Variants in CPSF6 observed in about 807,000 individuals in gnomAD.
The protein encoded by CPSF6 is cleavage and polyadenylation specificity factor subunit 6.
CPSF6 carries 10 observed loss-of-function variants against 56.7 expected under a neutral mutation model. The ratio of observed to expected loss-of-function variants is 0.18; its 90% CI spans 0.11 to 0.30. CPSF6 has a LOEUF of 0.30. Among genes scored for constraint, CPSF6 ranks in the 10% least tolerant of loss-of-function variants. The probability of loss-of-function intolerance (pLI) is 1.00; values close to 1 mark genes in which losing one functional copy is unlikely to be tolerated. For missense variants in CPSF6, 419 were observed against 722.9 expected (o/e 0.58, Z 4.82); for synonymous variants, 248 against 244.8 (o/e 1.01, Z -0.12).
intron 8 of CPSF6, 50 bp downstream of exon 8, chr12:69,260,247 A>G (rs1182815114): frequency 1.5e-6 from 2 of 1,362,788 alleles, no homozygotes; most frequent in Non-Finnish European, 2.0e-6. Context: ...TAGTTTACAA[A>G]TGGAAAAAAT....
At chr12:69,240,560 T>C (rs1321244622) in intron 1 of CPSF6, among the ~76,000 whole-genome samples, 1 of 152,140 alleles carries the variant, frequency 6.6e-6, no homozygotes, top group Non-Finnish European at 1.5e-5. Flanking sequence ...CAAAAAGATG[T>C]TAGCTCACCC....
intron 2 of CPSF6, 44 bp downstream of exon 2, chr12:69,251,382 T>G (rs200812392): frequency 6.4e-6 from 8 of 1,244,466 alleles, no homozygotes; most frequent in Non-Finnish European, 9.2e-6. Context: ...GTAATTGATT[T>G]TGAACTGCTC....
At chr12:69,251,099 A>G (rs914859699) in intron 1 of CPSF6, 30 bp from the exon 2 acceptor site, 55 of 1,581,392 alleles carry the variant, frequency 3.5e-5, no homozygotes, top group Non-Finnish European at 4.6e-5. Context: ...TGACTTTTGT[A>G]TAATCTAGAG....
At chr12:69,259,602 TG>T (rs1872660362) in intron 7 of CPSF6, 59 bp downstream of exon 7, 11 of 1,408,702 alleles carry the variant, frequency 7.8e-6, no homozygotes, top group Non-Finnish European at 9.7e-6. Context: ...GACCTAAAAA[TG>T]TAAGTACAAT....
chr12:69,246,637 G>T (rs561419574), intron 1 of CPSF6, among the ~76,000 whole-genome samples: 2 of 152,214 alleles, frequency 1.3e-5, no homozygotes, highest in South Asian at 4.1e-4. Context: ...TATGCATTAG[G>T]TTATCTGCTA....
At chr12:69,265,493 C>T (rs899730827) in intron 9 of CPSF6, among the ~76,000 whole-genome samples, 3 of 151,808 alleles carry the variant, frequency 2.0e-5, no homozygotes, top group Non-Finnish European at 4.4e-5. Flanking sequence ...CAGGCTTTTC[C>T]TCTCTCTATT....
Position 69,272,459 on chromosome 12 carries a change from T to A in CPSF6, c.*2951T>A, listed in dbSNP as rs1396541820. 2 of 151,734 alleles carry A rather than the reference T, an allele frequency of 1.3e-5. No individual in the cohort carries two copies. Among genetic ancestry groups the A allele is most frequent in the Non-Finnish European group, 3.0e-5 (2 of 67,660 alleles). The allele number at this position is 151,734 out of a possible 1,614,324, so 9.4% of individuals were successfully genotyped here. ...AAAGGGCAAAGACTTTCTCTTTCCC[T>A]TATGTATTTAACTGTGCCAATCTAA... On this transcript the variant is annotated 3_prime_UTR_variant, in exon 10 of 10. Transcript: ENST00000435070.
intron 1 of CPSF6, among the ~76,000 whole-genome samples, chr12:69,250,614 AAAG>A (rs1322846963): frequency 6.9e-6 from 1 of 143,890 alleles, no homozygotes; most frequent in African/African-American, 2.6e-5. Context: ...AAAAGAAAAA[AAAG>A]AAAAGAAATA....
Position 69,258,070 on chromosome 12 carries a change from C to T in CPSF6, c.694+165C>T, listed in dbSNP as rs1377519718. The T allele has an allele frequency of 6.5e-7, 1 of 1,537,406 alleles. No individual in the cohort carries two copies. The highest frequency in any genetic ancestry group is 8.7e-7 in the Non-Finnish European group (1 of 1,146,712). On this transcript the variant is annotated intron_variant, in intron 5 of 9. Transcript: ENST00000435070. The surrounding 1 kb of genome is among the most constrained non-coding windows in gnomAD (Gnocchi z 4.2). ...CAAGCATCTTGTTAAAGGAACTCGG[C>T]CTTTGTTCCTGGAAACTAGGATTCC...
At position 69,239,595 on chromosome 12, in the gene CPSF6, G is replaced by T; in HGVS notation, c.-52G>T. ...CTAGATCCGCTGCTGCTGCCGCGGC[G>T]GGCAGACCTGCAGGAGGCGGCGGCG... On this transcript the variant is annotated 5_prime_UTR_variant, in exon 1 of 10. Coordinates refer to ENST00000435070, the MANE Select transcript of CPSF6 (RefSeq NM_007007.3). The T allele has an allele frequency of 1.3e-6, 2 of 1,523,940 alleles. No individual in the cohort carries two copies. Among genetic ancestry groups the T allele is most frequent in the South Asian group, 2.5e-5 (2 of 81,038 alleles). 94.4% of individuals were successfully genotyped at this position (1,523,940 alleles called of 1,614,324 possible).
At position 69,273,145 on chromosome 12, in the gene CPSF6, A is replaced by T. The variant is rs1873330450; in HGVS notation, c.*3637A>T. 1 of 495,494 alleles carries T rather than the reference A, an allele frequency of 2.0e-6. No homozygotes were observed. The highest frequency in any genetic ancestry group is 2.0e-5 in the African/African-American group (1 of 49,884). 30.7% of individuals were successfully genotyped at this position (495,494 alleles called of 1,614,324 possible). A position where few individuals can be genotyped will look rare whatever the true frequency, so the allele number is the denominator to read the frequency against. On this transcript the variant is annotated 3_prime_UTR_variant, in exon 10 of 10. Transcript: ENST00000435070. The stretch of plus-strand genomic sequence containing the variant: ...AAATAGAAAATGTATTAAAATGTCT[A>T]GGCTTCTGGGAGGAAGTTCTTATAC...
Position 69,258,115 on chromosome 12 carries a change from A to C in CPSF6, c.694+210A>C. ...GATTCCATGGCATATGGGGCACAGC[A>C]TAGAGGAAATACCCATTTTTGGCCT... On this transcript the variant is annotated intron_variant, in intron 5 of 9. Transcript: ENST00000435070. This position sits in a 1 kb window ranked among gnomAD's most constrained non-coding sequence, Gnocchi z 4.2. 1 of 1,535,740 alleles carries C rather than the reference A, an allele frequency of 6.5e-7. No homozygotes were observed.
At chr12:69,266,275 A>T (rs910747704) in intron 9 of CPSF6, among the ~76,000 whole-genome samples, 1 of 151,916 alleles carries the variant, frequency 6.6e-6, no homozygotes, top group Non-Finnish European at 1.5e-5. Context: ...CTTCATCTGG[A>T]TATGTATGCT....
chr12:69,268,581 CCTTCTGCCCT>C (rs2120648380), intron 9 of CPSF6, among the ~76,000 whole-genome samples: 1 of 151,688 alleles, frequency 6.6e-6, no homozygotes, highest in East Asian at 1.9e-4. Flanking sequence ...TTTTAAAAAA[CCTTCTGCCCT>C]CTTGACTCTT....
intron 6 of CPSF6, 68 bp downstream of exon 6, chr12:69,259,162 A>AT: frequency 6.8e-7 from 1 of 1,470,054 alleles, no homozygotes. Flanking sequence ...TAAATATTAG[A>AT]TTGTAGGTAT....
Position 69,259,970 on chromosome 12 carries a change from C to G in CPSF6, c.1316-74C>G. ...TACTTTTGTAAAATGCCTTATCACT[C>G]TTATCCCAAGTGGTTTGATGGTGTT... is the stretch of plus-strand genomic sequence containing the variant. On this transcript the variant is annotated intron_variant, in intron 7 of 9. Transcript: ENST00000435070. The G allele has an allele frequency of 5.3e-6, 8 of 1,511,188 alleles. No homozygotes were observed. In the South Asian group the frequency reaches 7.1e-5, roughly 13 times the overall value. The allele number at this position is 1,511,188 out of a possible 1,614,324, so 93.6% of individuals were successfully genotyped here.
intron 1 of CPSF6, among the ~76,000 whole-genome samples, chr12:69,249,718 G>A (rs1467734828): frequency 6.6e-6 from 1 of 152,140 alleles, no homozygotes; most frequent in African/African-American, 2.4e-5. Context: ...TCTATTTAAT[G>A]GTTATCAAAG....
intron 1 of CPSF6, among the ~76,000 whole-genome samples, chr12:69,241,650 A>C (rs190155095): frequency 6.6e-6 from 1 of 152,322 alleles, no homozygotes; most frequent in East Asian, 1.9e-4. Context: ...GCAAGTGCTG[A>C]CTGGGCAGGA....
At chr12:69,260,286 C>T in intron 8 of CPSF6, 89 bp downstream of exon 8, 4 of 977,796 alleles carry the variant, frequency 4.1e-6, no homozygotes, top group East Asian at 2.9e-5. Context: ...GAGGACTTTG[C>T]TTTTACTTAC....
Sources: allele counts gnomAD v4.1 joint callset (sites outside exome capture counted in the v4.1 genomes callset), GRCh38; gene constraint gnomAD v4.1.1; non-coding constraint Gnocchi (gnomAD v3.1); transcripts MANE v1.5; gene names NCBI Gene and HGNC (gene_info 2026-07-23, HGNC 2026-07-21).